Variants in BRINP3 observed in about 807,000 individuals in gnomAD.
BRINP3 encodes BMP/retinoic acid inducible neural specific 3, also known as BMP/retinoic acid-inducible neural-specific protein 3.
BRINP3 carries 19 observed loss-of-function variants against 71.0 expected under a neutral mutation model. The ratio of observed to expected loss-of-function variants is 0.27; its 90% CI spans 0.19 to 0.39. BRINP3 has a LOEUF of 0.39. BRINP3 is among the 10% of genes least tolerant of loss of function. The pLI, the probability that BRINP3 is intolerant of heterozygous loss-of-function variation, is 1.00. For missense variants in BRINP3, 959 were observed against 940.8 expected, an observed-to-expected ratio of 1.02 and a Z score of -0.25; for synonymous variants, 380 against 337.7, an observed-to-expected ratio of 1.13 and a Z score of -1.37.
intron 6 of BRINP3, among the ~76,000 whole-genome samples, chr1:190,161,968 T>G (rs1456665467): frequency 6.6e-6 from 1 of 152,136 alleles, no homozygotes; most frequent in Non-Finnish European, 1.5e-5. Flanking sequence ...TCACAGTGAA[T>G]TATATTCATG....
intron 2 of BRINP3, among the ~76,000 whole-genome samples, chr1:190,366,916 T>A (rs1421781372): frequency 6.6e-6 from 1 of 152,216 alleles, no homozygotes; most frequent in East Asian, 1.9e-4. Flanking sequence ...TCCCTGTGGC[T>A]TTGCAGAGTA....
intron 6 of BRINP3, among the ~76,000 whole-genome samples, chr1:190,208,742 G>T (rs997357630): frequency 6.6e-6 from 1 of 151,878 alleles, no homozygotes; most frequent in Non-Finnish European, 1.5e-5. Flanking sequence ...TGATCTGACC[G>T]CCTTGGCCTC....
At chr1:190,299,909 C>T (rs1726569) in intron 2 of BRINP3, among the ~76,000 whole-genome samples, 2 of 151,760 alleles carry the variant, frequency 1.3e-5, no homozygotes, top group African/African-American at 2.4e-5. Flanking sequence ...GAGTTTCTGC[C>T]GAGACATCTG....
intron 2 of BRINP3, among the ~76,000 whole-genome samples, chr1:190,418,857 T>C (rs992043361): frequency 1.3e-5 from 2 of 152,120 alleles, no homozygotes; most frequent in African/African-American, 4.8e-5. Context: ...GCACACTCAT[T>C]GTATTGTTTT....
intron 6 of BRINP3, among the ~76,000 whole-genome samples, chr1:190,188,119 CA>C (rs1173066900): frequency 6.6e-6 from 1 of 151,916 alleles, no homozygotes; most frequent in Non-Finnish European, 1.5e-5. Flanking sequence ...TATTCTTAAA[CA>C]TTTTTGTACC....
At chr1:190,247,684 A>G (rs887158467) in intron 4 of BRINP3, among the ~76,000 whole-genome samples, 5 of 150,810 alleles carry the variant, frequency 3.3e-5, no homozygotes, top group African/African-American at 1.2e-4. Flanking sequence ...TCTACTCTCT[A>G]CCTCTCTACT....
intron 6 of BRINP3, among the ~76,000 whole-genome samples, chr1:190,225,020 A>G (rs187535562): frequency 9.3e-4 from 141 of 152,088 alleles, no homozygotes; most frequent in African/African-American, 3.2e-3. Flanking sequence ...ACCCTTCTAC[A>G]CTGTTGGTGG....
intron 2 of BRINP3, among the ~76,000 whole-genome samples, chr1:190,357,362 T>C (rs1229115092): frequency 1.3e-5 from 2 of 151,978 alleles, no homozygotes; most frequent in African/African-American, 4.8e-5. Flanking sequence ...GGAACTTCGA[T>C]TATAGTATTG....
intron 1 of BRINP3, among the ~76,000 whole-genome samples, chr1:190,456,662 A>G (rs1676012704): frequency 6.6e-6 from 1 of 152,098 alleles, no homozygotes; most frequent in African/African-American, 2.4e-5. Context: ...GTAGTGGTAT[A>G]GTATAATAAT....
intron 2 of BRINP3, among the ~76,000 whole-genome samples, chr1:190,412,287 A>C (rs1672716846): frequency 6.6e-6 from 1 of 151,690 alleles, no homozygotes; most frequent in Non-Finnish European, 1.5e-5. Flanking sequence ...CATGTAAAAT[A>C]TAGATTATTA....
intron 7 of BRINP3, among the ~76,000 whole-genome samples, chr1:190,106,258 AC>A (rs1652151124): frequency 6.6e-6 from 1 of 151,744 alleles, no homozygotes; most frequent in Admixed American, 6.6e-5. Context: ...ACAATTATAT[AC>A]ATACACATAT....
At chr1:190,283,897 T>A (rs1663228978) in intron 2 of BRINP3, among the ~76,000 whole-genome samples, 2 of 151,782 alleles carry the variant, frequency 1.3e-5, no homozygotes, top group East Asian at 3.9e-4. Context: ...TAGAGTAACA[T>A]AACTTGACCT....
At chr1:190,150,488 T>C (rs1323032313) in intron 7 of BRINP3, among the ~76,000 whole-genome samples, 1 of 152,128 alleles carries the variant, frequency 6.6e-6, no homozygotes, top group Non-Finnish European at 1.5e-5. Flanking sequence ...TCAAATTAGG[T>C]TTTCCCCACT....
chr1:190,299,384 CTCT>C (rs1467982006), intron 2 of BRINP3, among the ~76,000 whole-genome samples: 2 of 150,992 alleles, frequency 1.3e-5, no homozygotes, highest in Non-Finnish European at 3.0e-5. Context: ...TTTTCCTATC[CTCT>C]TGAGTTACTT....
chr1:190,110,454 C>T (rs970757281), intron 7 of BRINP3, among the ~76,000 whole-genome samples: 5 of 152,158 alleles, frequency 3.3e-5, no homozygotes, highest in African/African-American at 9.7e-5. Flanking sequence ...ATGTGAGCTG[C>T]TCTACTTTCT....
intron 3 of BRINP3, among the ~76,000 whole-genome samples, chr1:190,271,244 T>C (rs1662085509): frequency 1.3e-5 from 2 of 151,768 alleles, no homozygotes; most frequent in Middle Eastern, 3.4e-3. Context: ...AGTTTTAGTT[T>C]AGATGTAAGT....
intron 2 of BRINP3, among the ~76,000 whole-genome samples, chr1:190,428,100 AT>A (rs201911940): frequency 2.4e-4 from 36 of 151,182 alleles, no homozygotes; most frequent in Middle Eastern, 3.4e-3. Context: ...CAAGGCAAAT[AT>A]TTTTTTTTCC....
At chr1:190,221,207 G>C (rs970819415) in intron 6 of BRINP3, among the ~76,000 whole-genome samples, 3 of 152,112 alleles carry the variant, frequency 2.0e-5, no homozygotes, top group Non-Finnish European at 2.9e-5. Flanking sequence ...GACAGAGTGA[G>C]ACTCCATCTC....
At chr1:190,337,814 C>G (rs1020248952) in intron 2 of BRINP3, among the ~76,000 whole-genome samples, 1 of 151,952 alleles carries the variant, frequency 6.6e-6, no homozygotes, top group African/African-American at 2.4e-5. Context: ...TCTAGAGAAC[C>G]CTGACTAATA....
Sources: allele counts gnomAD v4.1 joint callset (sites outside exome capture counted in the v4.1 genomes callset), GRCh38; gene constraint gnomAD v4.1.1; transcripts MANE v1.5; gene names NCBI Gene and HGNC (gene_info 2026-07-23, HGNC 2026-07-21).